The following SLMAP variants were observed in gnomAD, a reference collection of about 807,000 sequenced individuals.
SLMAP encodes sarcolemma associated protein.
A neutral mutation model predicts 128.8 loss-of-function variants in SLMAP; 44 were observed. The ratio of observed to expected loss-of-function variants is 0.34; its 90% CI spans 0.27 to 0.44. The LOEUF is 0.44. Among genes scored for constraint, SLMAP ranks in the 20% least tolerant of loss-of-function variants. The pLI is 1.00. For synonymous variants in SLMAP, 327 were observed against 348.8 expected, an observed-to-expected ratio of 0.94 and a Z score of 0.70; for missense variants, 787 against 985.3, an observed-to-expected ratio of 0.80 and a Z score of 2.69.
rs753038743 is a variant in SLMAP at position 57,927,610 on chromosome 3, A to G, written c.*321A>G. On this transcript the variant is annotated 3_prime_UTR_variant, in exon 25 of 25. Transcript: ENST00000671191. ...TACTGTAAGCAATAATTTGCTTGCAATTTTTCATGTAATTTTTAAATTAGT... is the reference window on the plus strand; with the variant it reads ...TACTGTAAGCAATAATTTGCTTGCAGTTTTTCATGTAATTTTTAAATTAGT... 7.0e-5 allele frequency: 19 copies of G among 272,972 alleles called. No individual in the cohort carries two copies. The highest frequency in any genetic ancestry group is 1.2e-4 in the Non-Finnish European group (18 of 147,646). The allele number at this position is 272,972 out of a possible 1,614,324, so 16.9% of individuals were successfully genotyped here. A position where few individuals can be genotyped will look rare whatever the true frequency, so the allele number is the denominator to read the frequency against.
intron 2 of SLMAP, chr3:57,801,041 A>G: frequency 4.6e-6 from 1 of 217,624 alleles, no homozygotes; most frequent in Admixed American, 5.0e-5. Flanking sequence ...TGGGACAGAA[A>G]GTTCATGAGT....
intron 18 of SLMAP, among the ~76,000 whole-genome samples, 199 bp downstream of exon 18, chr3:57,908,205 C>T (rs775530851): frequency 6.6e-6 from 1 of 152,226 alleles, no homozygotes; most frequent in East Asian, 1.9e-4. Context: ...GCTCTACCTT[C>T]ACACTGTTGA....
At chr3:57,760,738 C>A (rs2078456946) in intron 2 of SLMAP, among the ~76,000 whole-genome samples, 1 of 151,836 alleles carries the variant, frequency 6.6e-6, no homozygotes, top group Non-Finnish European at 1.5e-5. Context: ...AAAAAAGAAT[C>A]CCTTCAGAGA....
intron 22 of SLMAP, among the ~76,000 whole-genome samples, chr3:57,919,909 C>T (rs889968291): frequency 2.0e-5 from 3 of 152,124 alleles, no homozygotes; most frequent in African/African-American, 7.2e-5. Flanking sequence ...TCCTTGCCAC[C>T]CCCTCACGTA....
At chr3:57,802,551 C>T (rs2088789783) in intron 2 of SLMAP, among the ~76,000 whole-genome samples, 1 of 152,112 alleles carries the variant, frequency 6.6e-6, no homozygotes, top group African/African-American at 2.4e-5. Flanking sequence ...CAGTCTTGAG[C>T]CACCGCGCTC....
intron 17 of SLMAP, chr3:57,899,079 T>C (rs1010728805): frequency 6.6e-6 from 1 of 152,190 alleles, no homozygotes; most frequent in Non-Finnish European, 1.5e-5. Context: ...TTGAATAAGA[T>C]TGTGGAGTTT....
chr3:57,902,491 T>G (rs2096411380), intron 17 of SLMAP, among the ~76,000 whole-genome samples: 1 of 152,194 alleles, frequency 6.6e-6, no homozygotes, highest in African/African-American at 2.4e-5. Context: ...TGATCAGATC[T>G]GCATTTTGGG....
intron 13 of SLMAP, among the ~76,000 whole-genome samples, chr3:57,867,515 T>C (rs906769943): frequency 6.6e-6 from 1 of 152,172 alleles, no homozygotes; most frequent in Non-Finnish European, 1.5e-5. Context: ...GTGTGCTTGC[T>C]TTTTTGGTGG....
At chr3:57,857,910 AACAAAG>A (rs2094869933) in intron 7 of SLMAP, 82 bp downstream of exon 7, 2 of 1,046,308 alleles carry the variant, frequency 1.9e-6, no homozygotes, top group East Asian at 2.5e-5. Context: ...AAATGTAGCA[AACAAAG>A]ACAAAGTTAT....
Position 57,757,568 on chromosome 3 carries a change from G to T in SLMAP, c.-84G>T. 1.5e-6 allele frequency: 2 copies of T among 1,312,218 alleles called. No homozygotes were observed. Among genetic ancestry groups the T allele is most frequent in the Non-Finnish European group, 2.2e-6 (2 of 920,432 alleles). The allele number at this position is 1,312,218 out of a possible 1,614,324, so 81.3% of individuals were successfully genotyped here. ...TAATTTAAAATTTTGGGTGGGATAG[G>T]GGCATAGGCTTGTGAAGGGCAGTCC... is the stretch of plus-strand genomic sequence containing the variant. On this transcript the variant is annotated 5_prime_UTR_variant, in exon 2 of 25. Coordinates refer to ENST00000671191, the MANE Select transcript of SLMAP (RefSeq NM_001377540.1).
intron 2 of SLMAP, among the ~76,000 whole-genome samples, chr3:57,762,352 A>G (rs1348172932): frequency 5.9e-5 from 9 of 151,624 alleles, no homozygotes; most frequent in Non-Finnish European, 1.0e-4. Flanking sequence ...CTGGGTGACA[A>G]TGTGAGACTC....
chr3:57,866,161 A>G (rs999425170), intron 13 of SLMAP, among the ~76,000 whole-genome samples: 20 of 151,996 alleles, frequency 1.3e-4, no homozygotes, highest in Non-Finnish European at 2.1e-4. Context: ...AGTCCCAACT[A>G]CGTGGGAGGC....
At chr3:57,763,346 C>G (rs1460950889) in intron 2 of SLMAP, among the ~76,000 whole-genome samples, 2 of 148,108 alleles carry the variant, frequency 1.4e-5, no homozygotes, top group Non-Finnish European at 3.0e-5. Flanking sequence ...GTGATCTCGG[C>G]TCACTGCAAC....
intron 14 of SLMAP, among the ~76,000 whole-genome samples, chr3:57,876,016 T>C (rs560355353): frequency 8.5e-4 from 129 of 152,362 alleles, no homozygotes; most frequent in Non-Finnish European, 1.3e-3. Flanking sequence ...TGATTTATAA[T>C]TTTGAATATG....
At chr3:57,907,567 C>T (rs2096599949) in intron 17 of SLMAP, among the ~76,000 whole-genome samples, 1 of 152,174 alleles carries the variant, frequency 6.6e-6, no homozygotes, top group Admixed American at 6.5e-5. Flanking sequence ...TTGCTCATCT[C>T]ACTGAATTTC....
chr3:57,860,205 A>G (rs2094981113), intron 8 of SLMAP, among the ~76,000 whole-genome samples: 1 of 152,144 alleles, frequency 6.6e-6, no homozygotes, highest in Admixed American at 6.5e-5. Context: ...TGGTCTGTGT[A>G]AATGTCTTCA....
rs762983685 is a variant in SLMAP, at chr3:57,871,623, C to A, written c.1238-13C>A. 1 of 1,607,978 alleles carries A rather than the reference C, an allele frequency of 6.2e-7. No homozygotes were observed. Among genetic ancestry groups the A allele is most frequent in the Admixed American group, 1.7e-5 (1 of 59,782 alleles). On this transcript the variant is annotated splice_polypyrimidine_tract_variant and intron_variant, in intron 13 of 24. Transcript: ENST00000671191. ...ACAAACTATATCCTTAAAGGTGTTT[C>A]TTTCTTTATTAGAGCACTTGCTTTC... is the stretch of plus-strand genomic sequence containing the variant.
chr3:57,905,596 A>G lies in SLMAP; in HGVS notation c.1502-2288A>G, dbSNP rs116553514. Among the ~76,000 whole-genome samples, 487 of 152,218 alleles carry G rather than the reference A, an allele frequency of 3.2e-3. 2 individuals are homozygous for G. The highest frequency in any genetic ancestry group is 6.8e-3 in the Middle Eastern group (2 of 294). On this transcript the variant is annotated intron_variant, in intron 17 of 24. Transcript: ENST00000671191. ...GTGCCCGGCCCAGGGGATTAATTCTATCTTACCTGTTTTCATATCTGTAAT... is the reference window on the plus strand; with the variant it reads ...GTGCCCGGCCCAGGGGATTAATTCTGTCTTACCTGTTTTCATATCTGTAAT...
At chr3:57,867,090 G>A (rs1309673267) in intron 13 of SLMAP, among the ~76,000 whole-genome samples, 2 of 152,086 alleles carry the variant, frequency 1.3e-5, no homozygotes, top group Non-Finnish European at 2.9e-5. Context: ...GAGGCAGGAG[G>A]ATCACTTGAA....
Sources: gnomAD v4.1 joint callset for allele counts (sites outside exome capture counted in the v4.1 genomes callset) on GRCh38, gnomAD v4.1.1 for gene constraint, MANE v1.5 for transcripts, NCBI Gene and HGNC (gene_info 2026-07-23, HGNC 2026-07-21) for gene names.